The following DEPTOR variants were observed in gnomAD, a reference collection of about 807,000 sequenced individuals.
DEPTOR encodes DEP domain containing MTOR interacting protein.
A neutral mutation model predicts 41.6 loss-of-function variants in DEPTOR; 41 were observed. That is an observed-to-expected ratio of 0.98 (90% confidence interval 0.77 to 1.28). DEPTOR has a LOEUF of 1.28. Ranked by LOEUF, DEPTOR falls within the 50% of genes most tolerant of loss-of-function variation. The pLI, the probability that DEPTOR is intolerant of heterozygous loss-of-function variation, is 0.00. For synonymous variants in DEPTOR, 195 were observed against 192.3 expected, an observed-to-expected ratio of 1.01 and a Z score of -0.12; for missense variants, 514 against 527.9, an observed-to-expected ratio of 0.97 and a Z score of 0.26.
intron 4 of DEPTOR, among the ~76,000 whole-genome samples, chr8:119,988,784 A>G (rs940131503): frequency 6.6e-6 from 1 of 151,986 alleles, no homozygotes; most frequent in Non-Finnish European, 1.5e-5. Context: ...TGTCCGGCCT[A>G]CTAGGCCTTT....
intron 8 of DEPTOR, among the ~76,000 whole-genome samples, chr8:120,018,946 G>A (rs1017496812): frequency 1.4e-4 from 22 of 152,204 alleles, no homozygotes; most frequent in African/African-American, 4.8e-4. Context: ...ACTACCATGT[G>A]CTAGGCATTA....
At chr8:119,891,556 ACCT>A (rs761718708) in intron 1 of DEPTOR, among the ~76,000 whole-genome samples, 8 of 151,392 alleles carry the variant, frequency 5.3e-5, no homozygotes, top group Non-Finnish European at 1.0e-4. Flanking sequence ...CCTGGTGTAA[ACCT>A]CCTCACCGTG....
intron 4 of DEPTOR, among the ~76,000 whole-genome samples, chr8:119,991,640 A>G (rs1424957479): frequency 1.3e-5 from 2 of 152,076 alleles, no homozygotes; most frequent in Admixed American, 6.6e-5. Flanking sequence ...CCTTCTTTGC[A>G]TTCATAAGTT....
chr8:119,908,145 T>C (rs1436968828), intron 1 of DEPTOR, among the ~76,000 whole-genome samples: 1 of 152,138 alleles, frequency 6.6e-6, no homozygotes, highest in African/African-American at 2.4e-5. Flanking sequence ...ACAATGAGAT[T>C]TGATGAGCTT....
chr8:120,047,394 T>C (rs1363127666), intron 8 of DEPTOR, among the ~76,000 whole-genome samples: 1 of 151,278 alleles, frequency 6.6e-6, no homozygotes, highest in Admixed American at 6.6e-5. Flanking sequence ...TGAAATGGAG[T>C]TTCACTGTTG....
rs542149113 is a variant in DEPTOR, at chr8:120,001,470, T to C, written c.605-55T>C. On this transcript the variant is annotated intron_variant, in intron 4 of 8. Transcript: ENST00000286234. The stretch of plus-strand genomic sequence containing the variant: ...GCCTGCAGTCCTTTGGCTGTAGCGC[T>C]CAGTGGCCAGGATGCCAGATAGTCC... 9 of 1,499,672 alleles carry C rather than the reference T, an allele frequency of 6.0e-6. No homozygotes were observed. The East Asian group carries it at 1.6e-4, about 27-fold the overall frequency. 92.9% of individuals were successfully genotyped at this position (1,499,672 alleles called of 1,614,324 possible). A position where few individuals can be genotyped will look rare whatever the true frequency, so the allele number is the denominator to read the frequency against.
intron 4 of DEPTOR, among the ~76,000 whole-genome samples, chr8:119,981,125 T>G (rs546598700): frequency 6.6e-6 from 1 of 152,336 alleles, no homozygotes; most frequent in East Asian, 1.9e-4. Context: ...TCCAAACAAC[T>G]GTTCTATGGC....
At chr8:119,917,285 G>A (rs1280240960) in intron 1 of DEPTOR, among the ~76,000 whole-genome samples, 4 of 152,186 alleles carry the variant, frequency 2.6e-5, no homozygotes, top group African/African-American at 7.2e-5. Context: ...TGATTTCAAA[G>A]ACAGTACATG....
intron 8 of DEPTOR, among the ~76,000 whole-genome samples, chr8:120,046,936 G>A (rs1483122600): frequency 6.6e-6 from 1 of 152,204 alleles, no homozygotes; most frequent in Non-Finnish European, 1.5e-5. Context: ...AGAACAGGCA[G>A]GCTCTACTCA....
intron 8 of DEPTOR, among the ~76,000 whole-genome samples, chr8:120,012,546 T>C (rs1812545712): frequency 6.6e-6 from 1 of 152,258 alleles, no homozygotes; most frequent in East Asian, 1.9e-4. Context: ...TTTTTGTTTT[T>C]GTTTTTTTGA....
chr8:120,001,815 T>C, intron 5 of DEPTOR, 105 bp downstream of exon 5: 4 of 1,326,534 alleles, frequency 3.0e-6, no homozygotes, highest in Non-Finnish European at 4.0e-6. Flanking sequence ...GAGCGTAGAA[T>C]TTTTACTTAT....
chr8:119,880,652 G>A (rs1174257175), intron 1 of DEPTOR, among the ~76,000 whole-genome samples: 1 of 152,176 alleles, frequency 6.6e-6, no homozygotes, highest in African/African-American at 2.4e-5. Flanking sequence ...TTATTCCTGT[G>A]AGTATTTATA....
intron 3 of DEPTOR, among the ~76,000 whole-genome samples, chr8:119,946,073 A>G (rs1360656205): frequency 1.3e-5 from 2 of 152,108 alleles, no homozygotes; most frequent in Non-Finnish European, 2.9e-5. Flanking sequence ...TAGTTGCTGT[A>G]TTGTTTTTCT....
intron 1 of DEPTOR, among the ~76,000 whole-genome samples, chr8:119,875,410 G>C (rs570451894): frequency 2.6e-5 from 4 of 152,188 alleles, no homozygotes; most frequent in Admixed American, 1.3e-4. Flanking sequence ...GTAAAGAGTA[G>C]AGTAAGGAAG....
chr8:119,949,865 A>G (rs946962985), intron 3 of DEPTOR, among the ~76,000 whole-genome samples: 15 of 152,016 alleles, frequency 9.9e-5, no homozygotes, highest in African/African-American at 3.4e-4. Context: ...TTTTTAGTAG[A>G]GACAGGGTTT....
chr8:119,964,040 G>A (rs936364471), intron 3 of DEPTOR, among the ~76,000 whole-genome samples: 1 of 152,172 alleles, frequency 6.6e-6, no homozygotes, highest in African/African-American at 2.4e-5. Context: ...GCAGATGGCT[G>A]TCTTCTGGCT....
chr8:119,897,539 AT>A (rs999683946), intron 1 of DEPTOR, among the ~76,000 whole-genome samples: 5 of 152,202 alleles, frequency 3.3e-5, no homozygotes, highest in Admixed American at 6.5e-5. Context: ...TCTCAAAAAA[AT>A]AATTCAAAAA....
chr8:119,889,847 C>T (rs546414237), intron 1 of DEPTOR, among the ~76,000 whole-genome samples: 1 of 152,066 alleles, frequency 6.6e-6, no homozygotes, highest in East Asian at 1.9e-4. Context: ...GTGGCAGTAG[C>T]TCAGTACAGT....
chr8:120,025,905 A>G (rs1033838392), intron 8 of DEPTOR, among the ~76,000 whole-genome samples: 1 of 151,470 alleles, frequency 6.6e-6, no homozygotes, highest in Middle Eastern at 3.2e-3. Context: ...GTCCTACCTG[A>G]TCTGCCTTCC....
Sources: allele counts gnomAD v4.1 joint callset (sites outside exome capture counted in the v4.1 genomes callset), GRCh38; gene constraint gnomAD v4.1.1; transcripts MANE v1.5; gene names NCBI Gene and HGNC (gene_info 2026-07-23, HGNC 2026-07-21).